The following MAP3K4 variants were observed in gnomAD, a reference collection of about 807,000 sequenced individuals.
The protein encoded by MAP3K4 is mitogen-activated protein kinase kinase kinase 4, also known as MAP three kinase 1.
MAP3K4 carries 67 observed loss-of-function variants against 185.6 expected under a neutral mutation model. The ratio of observed to expected loss-of-function variants is 0.36; its 90% CI spans 0.30 to 0.44. The LOEUF is 0.44. MAP3K4 is among the 20% of genes least tolerant of loss of function. The pLI, the probability that MAP3K4 is intolerant of heterozygous loss-of-function variation, is 1.00. For synonymous variants in MAP3K4, 702 were observed against 710.4 expected, an observed-to-expected ratio of 0.99 and a Z score of 0.19; for missense variants, 1,551 against 1,995.1, an observed-to-expected ratio of 0.78 and a Z score of 4.24.
chr6:161,094,110 C>G (rs1777463581), intron 15 of MAP3K4, among the ~76,000 whole-genome samples: 1 of 152,176 alleles, frequency 6.6e-6, no homozygotes, highest in Non-Finnish European at 1.5e-5. Flanking sequence ...TCTTTCTATA[C>G]CAACACTACC....
Position 161,101,632 on chromosome 6 carries a change from A to T in MAP3K4, c.3675-260A>T. On this transcript the variant is annotated intron_variant, in intron 17 of 26. Transcript: ENST00000392142. This position sits in a 1 kb window ranked among gnomAD's most constrained non-coding sequence, Gnocchi z 5.1. Reference sequence around the variant, plus strand: ...TCCTTCCAGACTCTAGAGCTCTAACAGACTCCAGAGGACGGTCTCCACAGC... The same window carrying T: ...TCCTTCCAGACTCTAGAGCTCTAACTGACTCCAGAGGACGGTCTCCACAGC... 3.2e-6 allele frequency: 1 copy of T among 310,558 alleles called. No homozygotes were observed. The highest frequency in any genetic ancestry group is 5.9e-5 in the East Asian group (1 of 16,818). 19.2% of individuals were successfully genotyped at this position (310,558 alleles called of 1,614,324 possible). A position where few individuals can be genotyped will look rare whatever the true frequency, so the allele number is the denominator to read the frequency against.
intron 3 of MAP3K4, among the ~76,000 whole-genome samples, chr6:161,052,149 A>C (rs984236519): frequency 1.3e-5 from 2 of 151,862 alleles, no homozygotes; most frequent in Non-Finnish European, 2.9e-5. Flanking sequence ...GGCTTCCGTA[A>C]ACTGCTTCAC....
rs1479143543 is a variant in MAP3K4 at position 161,054,253 on chromosome 6, C to A, written c.1707+4274C>A. Among the ~76,000 whole-genome samples the A allele has an allele frequency of 6.6e-6, 1 of 152,098 alleles. No homozygotes were observed. The highest frequency in any genetic ancestry group is 1.9e-4 in the East Asian group (1 of 5,182). ...CCCTGAGACCTTTGCCTTGGGGGTT[C>A]AGGCTATTCTCCTGCCTCAGCCTCC... On this transcript the variant is annotated intron_variant, in intron 3 of 26. Transcript: ENST00000392142. This position sits in a 1 kb window ranked among gnomAD's most constrained non-coding sequence, Gnocchi z 4.2.
rs1395699922 is a variant in MAP3K4, at chr6:161,116,218, G to A, written c.4807-632G>A. ...AGCAGCTGGGTGAGGGGTGGGTCGG[G>A]AGGTGGTGGGTCCTCTTTGGTGGAT... is the stretch of plus-strand genomic sequence containing the variant. On this transcript the variant is annotated intron_variant, in intron 26 of 26. Coordinates refer to ENST00000392142, the MANE Select transcript of MAP3K4 (RefSeq NM_005922.4). This position sits in a 1 kb window ranked among gnomAD's most constrained non-coding sequence, Gnocchi z 6.2. Among the ~76,000 whole-genome samples, 1 of 152,006 alleles carries A rather than the reference G, an allele frequency of 6.6e-6. No homozygotes were observed. The highest frequency in any genetic ancestry group is 1.5e-5 in the Non-Finnish European group (1 of 67,998).
At position 161,116,900 on chromosome 6, in the gene MAP3K4, C is replaced by G. The variant is rs756794725; in HGVS notation, c.*30C>G. ...TAGTAGAATATGGACTTGGAAAATT[C>G]TCTTAATCACTACTGTATGTAATAT... On this transcript the variant is annotated 3_prime_UTR_variant, in exon 27 of 27. Transcript: ENST00000392142. The surrounding 1 kb of genome is among the most constrained non-coding windows in gnomAD (Gnocchi z 6.2). The G allele has an allele frequency of 6.3e-7, 1 of 1,592,610 alleles. No homozygotes were observed. The highest frequency in any genetic ancestry group is 1.1e-5 in the South Asian group (1 of 90,634).
In MAP3K4 at chr6:161,105,613, AT is replaced by A. The variant is rs971729919; in HGVS notation, c.3857-899del. On this transcript the variant is annotated intron_variant, in intron 19 of 26. Coordinates refer to ENST00000392142, the MANE Select transcript of MAP3K4 (RefSeq NM_005922.4). ...ATTTCAGCTGCACTGTGTGAGTAAG[AT>A]TCACTCAACAGATACTCAGGTATGA... Among the ~76,000 whole-genome samples, 5 of 152,178 alleles carry A rather than the reference AT, an allele frequency of 3.3e-5. 1 individual carries two copies. The highest frequency in any genetic ancestry group is 1.2e-4 in the African/African-American group (5 of 41,428).
In MAP3K4 at chr6:160,993,360, C is replaced by G. The variant is rs114165170; in HGVS notation, c.152+1277C>G. On this transcript the variant is annotated intron_variant, in intron 1 of 26. Transcript: ENST00000392142. ...ATCAGTTTTCGAGCAATTTTGATAC[C>G]TTTTTCTTTAAAATTAATAGTGAAC... 7.0e-3 allele frequency among the ~76,000 whole-genome samples: 1,062 copies of G among 152,046 alleles called. 15 individuals are homozygous for G. The highest frequency in any genetic ancestry group is 0.024 in the African/African-American group (1,000 of 41,452).
chr6:161,052,739 G>A lies in MAP3K4; in HGVS notation c.1707+2760G>A, dbSNP rs989148024. The stretch of plus-strand genomic sequence containing the variant: ...TATAAAGGGAGGCGTGTGTGTGTGC[G>A]TGCTTGTGTGTGTATGTGTGTGAAT... On this transcript the variant is annotated intron_variant, in intron 3 of 26. Transcript: ENST00000392142. Among the ~76,000 whole-genome samples the A allele has an allele frequency of 2.6e-5, 4 of 152,190 alleles. No individual in the cohort carries two copies. The South Asian group carries it at 8.3e-4, about 32-fold the overall frequency.
At chr6:160,993,841 C>T (rs959757942) in intron 1 of MAP3K4, among the ~76,000 whole-genome samples, 2 of 92,618 alleles carry the variant, frequency 2.2e-5, no homozygotes, top group African/African-American at 8.0e-5. Flanking sequence ...CAGCAGTGTA[C>T]GGAACAAGAA....
At position 161,074,524 on chromosome 6, in the gene MAP3K4, A is replaced by G. The variant is rs1785084794; in HGVS notation, c.2097+912A>G. Among the ~76,000 whole-genome samples the G allele has an allele frequency of 2.0e-5, 3 of 152,216 alleles. No homozygotes were observed. The highest frequency in any genetic ancestry group is 4.4e-5 in the Non-Finnish European group (3 of 68,034). On this transcript the variant is annotated intron_variant, in intron 5 of 26. Transcript: ENST00000392142. The surrounding 1 kb of genome is among the most constrained non-coding windows in gnomAD (Gnocchi z 5.0). ...CTTTTTAGCAGTTACAGTTAGAACT[A>G]TATGGTTTAACATTTAAACAGAGAC...
intron 1 of MAP3K4, among the ~76,000 whole-genome samples, chr6:161,026,279 C>T (rs544539413): frequency 7.5e-4 from 109 of 146,144 alleles, no homozygotes; most frequent in Non-Finnish European, 1.3e-3. Context: ...TACAGGTGCC[C>T]GCCACCACGC....
chr6:161,084,305 A>G lies in MAP3K4; in HGVS notation c.2256-196A>G, dbSNP rs1455187768. ...ATTGAGATACTGTGGTAGTAGAACA[A>G]AGGTAGGTACATGTCATAATCCAGA... is the stretch of plus-strand genomic sequence containing the variant. On this transcript the variant is annotated intron_variant, in intron 6 of 26. Coordinates refer to ENST00000392142, the MANE Select transcript of MAP3K4 (RefSeq NM_005922.4). The surrounding 1 kb of genome is among the most constrained non-coding windows in gnomAD (Gnocchi z 4.6). Among the ~76,000 whole-genome samples, 1 of 152,234 alleles carries G rather than the reference A, an allele frequency of 6.6e-6. No homozygotes were observed. Among genetic ancestry groups the G allele is most frequent in the African/African-American group, 2.4e-5 (1 of 41,460 alleles).
intron 1 of MAP3K4, among the ~76,000 whole-genome samples, chr6:161,031,657 C>T (rs544298179): frequency 6.6e-6 from 1 of 152,326 alleles, no homozygotes; most frequent in African/African-American, 2.4e-5. Flanking sequence ...ATCATCCACA[C>T]AGTACTGCTA....
Position 161,049,518 on chromosome 6 carries a change from A to G in MAP3K4, c.1246A>G (p.Ile416Val). 6.2e-7 allele frequency: 1 copy of G among 1,614,186 alleles called. No individual in the cohort carries two copies. The highest frequency in any genetic ancestry group is 1.1e-5 in the South Asian group (1 of 91,082). Residue 416 changes from isoleucine to valine, a missense_variant, in exon 3 of 27, where the codon ATC (isoleucine) becomes GTC (valine). Physicochemically the swap from Ile to Val is conservative, Grantham distance 29. This residue lies in a region of MAP3K4 where 24 missense variants were observed against 48.5 expected (regional missense o/e 0.49). Coordinates refer to ENST00000392142, the MANE Select transcript of MAP3K4 (RefSeq NM_005922.4). The surrounding 1 kb of genome is among the most constrained non-coding windows in gnomAD (Gnocchi z 8.4). ...AAGGATTATGGGCACTGTTTTGGGC[A>G]TCAAGAATTTATCAGACATTGGCTG... is the stretch of plus-strand genomic sequence containing the variant. ...KLRIMGTVLG[I>V]KNLSDIGWPV... is the part of the protein sequence containing the mutation.
rs755161742 is a variant in MAP3K4 at position 161,111,860 on chromosome 6, C to G, written c.4421C>G (p.Ser1474Cys). The change falls in exon 24 of 27, where the codon TCT (serine) becomes TGT (cysteine). Residue 1474 changes from serine (S) to cysteine (C), a missense_variant. Physicochemically the swap from Ser to Cys is moderately radical, Grantham distance 112. Around this residue, in one of 16 missense-constraint regions of MAP3K4, gnomAD observed 159 missense variants for 300.5 expected, o/e 0.53. Transcript: ENST00000392142. ...IKGANIFLTS[S>C]GLIKLGDFGC... The stretch of plus-strand genomic sequence containing the variant: ...GGTGCCAATATCTTCCTTACCTCAT[C>G]TGGATTAATCAAACTGGGAGATTTT... The G allele has an allele frequency of 3.1e-6, 5 of 1,613,424 alleles. No individual in the cohort carries two copies. The highest frequency in any genetic ancestry group is 4.2e-6 in the Non-Finnish European group (5 of 1,179,768).
intron 2 of MAP3K4, among the ~76,000 whole-genome samples, chr6:161,046,714 T>G (rs1293851366): frequency 6.6e-6 from 1 of 151,136 alleles, no homozygotes; most frequent in Non-Finnish European, 1.5e-5. Flanking sequence ...TTGAATCGGT[T>G]AGGAAGTAAA....
chr6:161,013,541 TG>T (rs1562481009), intron 1 of MAP3K4, among the ~76,000 whole-genome samples: 1 of 152,114 alleles, frequency 6.6e-6, no homozygotes, highest in African/African-American at 2.4e-5. Flanking sequence ...GGAAAATAAT[TG>T]ATGCAGGGCA....
Position 161,093,993 on chromosome 6 carries a change from G to A in MAP3K4, c.3427+142G>A. On this transcript the variant is annotated intron_variant, in intron 15 of 26. Coordinates refer to ENST00000392142, the MANE Select transcript of MAP3K4 (RefSeq NM_005922.4). The surrounding 1 kb of genome is among the most constrained non-coding windows in gnomAD (Gnocchi z 5.2). ...ACGACAATGAGAGGGACAGAAATGA[G>A]GTGTGTAGATAGAGAACTCCGCAGC... is the stretch of plus-strand genomic sequence containing the variant. 1 of 620,158 alleles carries A rather than the reference G, an allele frequency of 1.6e-6. No homozygotes were observed. Among genetic ancestry groups the A allele is most frequent in the Non-Finnish European group, 2.8e-6 (1 of 356,806 alleles). 38.4% of individuals were successfully genotyped at this position (620,158 alleles called of 1,614,324 possible).
Position 161,014,946 on chromosome 6 carries a change from C to A in MAP3K4, c.153-19313C>A, listed in dbSNP as rs55813371. 3.7e-3 allele frequency among the ~76,000 whole-genome samples: 571 copies of A among 152,284 alleles called. 5 individuals carry two copies. The Middle Eastern group carries it at 0.054, about 15-fold the overall frequency. Reference sequence around the variant, plus strand: ...CAACCCTCCCACTGCTGAGTAACTGCTAATTTACTTTCTGTCTCTGTATAT... The same window carrying A: ...CAACCCTCCCACTGCTGAGTAACTGATAATTTACTTTCTGTCTCTGTATAT... On this transcript the variant is annotated intron_variant, in intron 1 of 26. Transcript: ENST00000392142.
Sources: allele counts gnomAD v4.1 joint callset (sites outside exome capture counted in the v4.1 genomes callset), GRCh38; gene constraint gnomAD v4.1.1; regional missense constraint gnomAD v4.1.1; non-coding constraint Gnocchi (gnomAD v3.1); transcripts MANE v1.5; gene names NCBI Gene and HGNC (gene_info 2026-07-23, HGNC 2026-07-21).